Variants in KPNA4 observed in about 807,000 individuals in gnomAD.
KPNA4 encodes karyopherin subunit alpha 4.
Under a neutral mutation model 71.3 loss-of-function variants are expected in KPNA4, and 13 were observed. The observed-to-expected ratio is 0.18, with a 90% CI of 0.12 to 0.29. The LOEUF (loss-of-function observed/expected upper bound fraction) is 0.29, where lower values mean the gene tolerates loss of function less well. Ranked by LOEUF, KPNA4 falls within the 10% of genes least tolerant of loss-of-function variation. KPNA4 has a pLI of 1.00. For synonymous variants in KPNA4, 189 were observed against 195.2 expected, an observed-to-expected ratio of 0.97 and a Z score of 0.26; for missense variants, 334 against 603.2, an observed-to-expected ratio of 0.55 and a Z score of 4.67.
At chr3:160,561,387 A>G (rs1722243169) in intron 1 of KPNA4, among the ~76,000 whole-genome samples, 1 of 151,542 alleles carries the variant, frequency 6.6e-6, no homozygotes, top group African/African-American at 2.4e-5. Flanking sequence ...CACTGTATAT[A>G]CCCTCTTTTC....
chr3:160,508,966 CATTAT>C (rs1721040892), intron 14 of KPNA4, among the ~76,000 whole-genome samples: 1 of 152,118 alleles, frequency 6.6e-6, no homozygotes, highest in African/African-American at 2.4e-5. Context: ...AATTTCCATG[CATTAT>C]ATTAATATTC....
intron 13 of KPNA4, 101 bp downstream of exon 13, chr3:160,513,976 G>T: frequency 1.6e-6 from 1 of 612,984 alleles, no homozygotes; most frequent in Non-Finnish European, 2.6e-6. Flanking sequence ...CCACTGTATG[G>T]CTTCTAATTA....
At chr3:160,513,907 T>A (rs757356971) in intron 13 of KPNA4, among the ~76,000 whole-genome samples, 170 bp downstream of exon 13, 4 of 148,724 alleles carry the variant, frequency 2.7e-5, no homozygotes, top group Non-Finnish European at 4.5e-5. Flanking sequence ...AAGTTTCTTG[T>A]ATATAAAAAT....
intron 11 of KPNA4, among the ~76,000 whole-genome samples, chr3:160,519,555 GA>G (rs1355393937): frequency 6.6e-6 from 1 of 152,022 alleles, no homozygotes; most frequent in Admixed American, 6.5e-5. Context: ...AGCACTTTGG[GA>G]GGCTGAGGCG....
chr3:160,512,514 A>G (rs1721116293), intron 13 of KPNA4, among the ~76,000 whole-genome samples: 1 of 152,256 alleles, frequency 6.6e-6, no homozygotes, highest in South Asian at 2.1e-4. Flanking sequence ...TCAAACATTT[A>G]TCTTGCCTAT....
At chr3:160,517,753 A>G (rs187611947) in intron 11 of KPNA4, among the ~76,000 whole-genome samples, 65 of 151,838 alleles carry the variant, frequency 4.3e-4, no homozygotes, top group African/African-American at 1.4e-3. Flanking sequence ...ACCATTTGTT[A>G]TATCTTCTTT....
intron 1 of KPNA4, among the ~76,000 whole-genome samples, chr3:160,546,245 T>C (rs929900059): frequency 1.2e-4 from 19 of 152,158 alleles, no homozygotes; most frequent in African/African-American, 4.1e-4. Flanking sequence ...AGGCCAGGCA[T>C]GGCAGCTCAC....
chr3:160,526,313 TC>T (rs2108550440), intron 8 of KPNA4, among the ~76,000 whole-genome samples: 1 of 152,328 alleles, frequency 6.6e-6, no homozygotes, highest in African/African-American at 2.4e-5. Context: ...TGCACATTAT[TC>T]CCATCTTCAG....
At chr3:160,548,374 T>A (rs1375687307) in intron 1 of KPNA4, among the ~76,000 whole-genome samples, 7 of 152,202 alleles carry the variant, frequency 4.6e-5, no homozygotes, top group Admixed American at 2.0e-4. Flanking sequence ...GCATTAAGAA[T>A]GTTCATATTG....
At chr3:160,515,639 AG>A (rs948488247) in intron 11 of KPNA4, 59 bp from the exon 12 acceptor site, 1 of 1,571,054 alleles carries the variant, frequency 6.4e-7, no homozygotes, top group African/African-American at 1.4e-5. Context: ...TTTTGAGACA[AG>A]GTCTTGCTCT....
At chr3:160,564,613 G>A (rs531978529) in intron 1 of KPNA4, 1 of 152,352 alleles carries the variant, frequency 6.6e-6, no homozygotes, top group South Asian at 2.1e-4. Flanking sequence ...CTCACGCCGG[G>A]GGTGTTTTTT....
intron 2 of KPNA4, 55 bp from the exon 3 acceptor site, chr3:160,535,952 A>G: frequency 8.6e-7 from 1 of 1,164,210 alleles, no homozygotes; most frequent in Non-Finnish European, 1.1e-6. Context: ...AGTTAAAAAG[A>G]AAACCTGAAT....
chr3:160,515,618 C>CTT (rs112603907), intron 11 of KPNA4, 38 bp from the exon 12 acceptor site: 1,766 of 1,445,608 alleles, frequency 1.2e-3, no homozygotes, highest in Middle Eastern at 2.1e-3. Context: ...ATGTGAAATC[C>CTT]TTTTTTTTTT....
chr3:160,528,135 C>T (rs1016359750), intron 7 of KPNA4, 96 bp from the exon 8 acceptor site: 2 of 767,176 alleles, frequency 2.6e-6, no homozygotes, highest in South Asian at 3.5e-5. Context: ...AAAAAGGGAA[C>T]CTATAAAAAT....
rs547435827 is a variant in KPNA4, at chr3:160,496,462, G to A, written c.*5642C>T. 1 of 152,094 alleles carries A rather than the reference G, an allele frequency of 6.6e-6. No individual in the cohort carries two copies. Among genetic ancestry groups the A allele is most frequent in the Admixed American group, 6.5e-5 (1 of 15,272 alleles). The allele number at this position is 152,094 out of a possible 1,614,324, so 9.4% of individuals were successfully genotyped here. On this transcript the variant is annotated 3_prime_UTR_variant, in exon 17 of 17. Transcript: ENST00000334256. ...ATTTTAAACAGCTGTTTCAAAGTAA[G>A]AGTAAAAACAGGCTGGAGAAAATCT... is the stretch of plus-strand genomic sequence containing the variant.
At chr3:160,509,710 T>C in intron 14 of KPNA4, 90 bp downstream of exon 14, 1 of 992,532 alleles carries the variant, frequency 1.0e-6, no homozygotes, top group South Asian at 1.3e-5. Flanking sequence ...GCTATTATTT[T>C]AAATTATAAC....
intron 11 of KPNA4, 148 bp from the exon 12 acceptor site, chr3:160,515,728 C>T (rs1721202042): frequency 6.2e-6 from 5 of 801,930 alleles, no homozygotes; most frequent in South Asian, 3.7e-5. Flanking sequence ...GATCCTCCCA[C>T]CCCAGCCTCC....
chr3:160,548,640 T>C (rs1020506348), intron 1 of KPNA4, among the ~76,000 whole-genome samples: 1 of 152,204 alleles, frequency 6.6e-6, no homozygotes, highest in African/African-American at 2.4e-5. Context: ...CCTTCCTTTT[T>C]AAGTCTAAAT....
intron 16 of KPNA4, among the ~76,000 whole-genome samples, chr3:160,502,882 G>A (rs555170475): frequency 2.6e-5 from 4 of 152,054 alleles, no homozygotes; most frequent in Non-Finnish European, 4.4e-5. Flanking sequence ...AGGCTGAGAC[G>A]GGTGGATCAC....
Sources: allele counts gnomAD v4.1 joint callset (sites outside exome capture counted in the v4.1 genomes callset), GRCh38; gene constraint gnomAD v4.1.1; transcripts MANE v1.5; gene names NCBI Gene and HGNC (gene_info 2026-07-23, HGNC 2026-07-21).